Variants in COL14A1 observed in about 807,000 individuals in gnomAD.
COL14A1 encodes collagen alpha-1(XIV) chain.
COL14A1 carries 136 observed loss-of-function variants against 230.3 expected under a neutral mutation model. That is an observed-to-expected ratio of 0.59 (90% CI 0.51 to 0.68). COL14A1 has a LOEUF of 0.68. COL14A1 is among the 30% of genes least tolerant of loss of function. COL14A1 has a pLI of 0.00. For synonymous variants in COL14A1, 792 were observed against 784.1 expected, an observed-to-expected ratio of 1.01 and a Z score of -0.17; for missense variants, 1,976 against 2,215.8, an observed-to-expected ratio of 0.89 and a Z score of 2.17.
intron 23 of COL14A1, among the ~76,000 whole-genome samples, chr8:120,258,222 C>T (rs1296338440): frequency 6.6e-6 from 1 of 152,192 alleles, no homozygotes; most frequent in East Asian, 1.9e-4. Context: ...CTTGCTCCTT[C>T]TTGTGTTCTG....
In COL14A1 at chr8:120,134,276, A is replaced by G. The variant is rs555756970; in HGVS notation, c.-38+8936A>G. Among the ~76,000 whole-genome samples the G allele has an allele frequency of 2.0e-5, 3 of 152,218 alleles. No individual in the cohort carries two copies. The East Asian group carries it at 5.8e-4, about 29-fold the overall frequency. ...AACTTAAAAGAAAATATTAAAACATATTATAAAGTTTTGATATTTACAATT... is the reference window on the plus strand; with the variant it reads ...AACTTAAAAGAAAATATTAAAACATGTTATAAAGTTTTGATATTTACAATT... On this transcript the variant is annotated intron_variant, in intron 1 of 47. Transcript: ENST00000297848.
chr8:120,215,888 G>A (rs1214852297), intron 13 of COL14A1, among the ~76,000 whole-genome samples: 2 of 152,192 alleles, frequency 1.3e-5, no homozygotes, highest in Admixed American at 1.3e-4. Flanking sequence ...TGGTTAAGTT[G>A]GAGTTGCCTA....
chr8:120,166,508 C>T (rs968478572), intron 4 of COL14A1, among the ~76,000 whole-genome samples: 1 of 141,824 alleles, frequency 7.1e-6, no homozygotes, highest in African/African-American at 2.7e-5. Context: ...AAGTCTCTAC[C>T]TCTGAATTTA....
chr8:120,339,504 G>A (rs1822210137), intron 42 of COL14A1, among the ~76,000 whole-genome samples: 1 of 151,972 alleles, frequency 6.6e-6, no homozygotes. Flanking sequence ...TCTGAATAAC[G>A]ACCATATCAT....
intron 5 of COL14A1, among the ~76,000 whole-genome samples, chr8:120,188,084 CTTTTTTTTTT>C (rs202106370): frequency 7.1e-6 from 1 of 141,556 alleles, no homozygotes; most frequent in Non-Finnish European, 1.5e-5. Context: ...GAAGGCTTAA[CTTTTTTTTTT>C]TTTTTTGAGA....
At chr8:120,350,640 A>C (rs2130315113) in intron 45 of COL14A1, among the ~76,000 whole-genome samples, 1 of 149,432 alleles carries the variant, frequency 6.7e-6, no homozygotes, top group South Asian at 2.2e-4. Context: ...GAGACAAAGA[A>C]GGCCATTACA....
chr8:120,152,655 T>G (rs956008144), intron 2 of COL14A1, among the ~76,000 whole-genome samples: 7 of 152,178 alleles, frequency 4.6e-5, no homozygotes, highest in Non-Finnish European at 8.8e-5. Context: ...TATTCCAGCA[T>G]CTTCTTTTCA....
intron 47 of COL14A1, 153 bp from the exon 48 acceptor site, chr8:120,370,999 A>G: frequency 9.5e-7 from 1 of 1,055,550 alleles, no homozygotes; most frequent in African/African-American, 1.6e-5. Context: ...CTGAAACCTT[A>G]TGGGGAAGGT....
chr8:120,197,152 C>T lies in COL14A1; in HGVS notation c.592+206C>T, dbSNP rs7015242. Among the ~76,000 whole-genome samples the T allele has an allele frequency of 0.28, 41,812 of 151,940 alleles. 6,007 individuals carry two copies. The highest frequency in any genetic ancestry group is 0.34 in the African/African-American group (14,170 of 41,408). Reference sequence around the variant, plus strand: ...CACTGTCATTCAATTAATTATTGAACATATTTTAATCTTCTGAAAAGTCAA... The same window carrying T: ...CACTGTCATTCAATTAATTATTGAATATATTTTAATCTTCTGAAAAGTCAA... On this transcript the variant is annotated intron_variant, in intron 6 of 47. Transcript: ENST00000297848.
rs116990928 is a variant in COL14A1 at position 120,172,771 on chromosome 8, T to C, written c.436+4524T>C. On this transcript the variant is annotated intron_variant, in intron 5 of 47. Coordinates refer to ENST00000297848, the MANE Select transcript of COL14A1 (RefSeq NM_021110.4). ...CAGTTATTTTTCTAGTCCAGCAATTTGTAAGGATATAGCCCTGTGAGGGTG... is the reference window on the plus strand; with the variant it reads ...CAGTTATTTTTCTAGTCCAGCAATTCGTAAGGATATAGCCCTGTGAGGGTG... 3.9e-3 allele frequency among the ~76,000 whole-genome samples: 598 copies of C among 152,326 alleles called. 2 individuals are homozygous for C. Among genetic ancestry groups the C allele is most frequent in the Non-Finnish European group, 6.0e-3 (407 of 68,024 alleles).
chr8:120,258,879 G>A lies in COL14A1; in HGVS notation c.2869+3523G>A, dbSNP rs1819243346. Among the ~76,000 whole-genome samples, 3 of 152,066 alleles carry A rather than the reference G, an allele frequency of 2.0e-5. No individual in the cohort carries two copies. The South Asian group carries it at 6.2e-4, about 32-fold the overall frequency. On this transcript the variant is annotated intron_variant, in intron 23 of 47. Coordinates refer to ENST00000297848, the MANE Select transcript of COL14A1 (RefSeq NM_021110.4). ...CTCCAGCTGTTTTTGAGTTGCCTTG[G>A]CACCTAAGGTTGACTTCAAATTCAT...
intron 22 of COL14A1, among the ~76,000 whole-genome samples, chr8:120,253,819 G>A (rs1586807000): frequency 6.6e-6 from 1 of 152,280 alleles, no homozygotes; most frequent in Admixed American, 6.5e-5. Context: ...AGCTACTCAG[G>A]AGGCTGAGGC....
At chr8:120,282,802 G>A (rs1009353579) in intron 31 of COL14A1, among the ~76,000 whole-genome samples, 1 of 152,054 alleles carries the variant, frequency 6.6e-6, no homozygotes, top group African/African-American at 2.4e-5. Context: ...CAGATTTTCT[G>A]GGAGAGATTA....
At chr8:120,145,704 T>C (rs974783851) in intron 1 of COL14A1, among the ~76,000 whole-genome samples, 1 of 152,138 alleles carries the variant, frequency 6.6e-6, no homozygotes, top group African/African-American at 2.4e-5. Flanking sequence ...AAATAAATCA[T>C]ATATTAAAAG....
chr8:120,326,607 G>GA (rs1444208897), intron 40 of COL14A1, among the ~76,000 whole-genome samples: 1 of 152,070 alleles, frequency 6.6e-6, no homozygotes, highest in Non-Finnish European at 1.5e-5. Flanking sequence ...AGAAATTTTA[G>GA]AAAAAATGGC....
intron 1 of COL14A1, among the ~76,000 whole-genome samples, chr8:120,146,848 T>C (rs1047205300): frequency 1.3e-5 from 2 of 152,066 alleles, no homozygotes; most frequent in Non-Finnish European, 2.9e-5. Context: ...TTAAAAAATA[T>C]GCCCTGGGTA....
chr8:120,294,798 A>G (rs189153361), intron 34 of COL14A1, among the ~76,000 whole-genome samples: 2 of 151,972 alleles, frequency 1.3e-5, no homozygotes, highest in African/African-American at 2.4e-5. Context: ...GTTGTACTCA[A>G]AGAAAAAGCT....
chr8:120,329,556 A>G (rs1232590616), intron 40 of COL14A1, among the ~76,000 whole-genome samples: 1 of 152,148 alleles, frequency 6.6e-6, no homozygotes, highest in Non-Finnish European at 1.5e-5. Flanking sequence ...GAGGTGAGTC[A>G]TGATTGTGCC....
chr8:120,226,525 A>C (rs77708573), intron 15 of COL14A1, 102 bp from the exon 16 acceptor site: 23 of 1,274,340 alleles, frequency 1.8e-5, no homozygotes, highest in Non-Finnish European at 2.4e-5. Flanking sequence ...TTCCTAAAGC[A>C]AAAGATTCCT....
Sources: allele counts gnomAD v4.1 joint callset (sites outside exome capture counted in the v4.1 genomes callset), GRCh38; gene constraint gnomAD v4.1.1; transcripts MANE v1.5; gene names NCBI Gene and HGNC (gene_info 2026-07-23, HGNC 2026-07-21).